ST6GALNAC5: variants seen among roughly 807,000 people sequenced by gnomAD.
ST6GALNAC5 encodes the protein alpha-N-acetylgalactosaminide alpha-2,6-sialyltransferase 5.
In ST6GALNAC5, 27 loss-of-function variants were observed where a neutral mutation model predicts 33.6. That is an observed-to-expected ratio of 0.80 (90% CI 0.59 to 1.11). The LOEUF (loss-of-function observed/expected upper bound fraction) is 1.11, where lower values mean the gene tolerates loss of function less well. Among genes scored for constraint, ST6GALNAC5 ranks in the 50% least tolerant of loss-of-function variants. The probability of loss-of-function intolerance (pLI) is 0.00; values close to 1 mark genes in which losing one functional copy is unlikely to be tolerated. For missense variants in ST6GALNAC5, 428 were observed against 454.0 expected (o/e 0.94, Z 0.52); for synonymous variants, 194 against 171.2 (o/e 1.13, Z -1.04).
chr1:77,011,512 T>C (rs1275423297), intron 2 of ST6GALNAC5, among the ~76,000 whole-genome samples: 1 of 152,226 alleles, frequency 6.6e-6, no homozygotes, highest in Non-Finnish European at 1.5e-5. Context: ...GGTTTGGGAA[T>C]TACAGTCCTT....
chr1:76,928,760 G>A (rs2100306458), intron 2 of ST6GALNAC5, among the ~76,000 whole-genome samples: 1 of 151,944 alleles, frequency 6.6e-6, no homozygotes, highest in East Asian at 1.9e-4. Context: ...CCACCCCTCT[G>A]CCTGAAGCTG....
chr1:77,008,435 C>T (rs1030207336), intron 2 of ST6GALNAC5, among the ~76,000 whole-genome samples: 1 of 152,182 alleles, frequency 6.6e-6, no homozygotes, highest in African/African-American at 2.4e-5. Flanking sequence ...CACTATCTGC[C>T]CCATAAAACT....
intron 2 of ST6GALNAC5, among the ~76,000 whole-genome samples, chr1:76,904,301 G>A (rs1235999424): frequency 6.6e-6 from 1 of 151,970 alleles, no homozygotes; most frequent in East Asian, 1.9e-4. Context: ...AAGAGAAAGG[G>A]AAAGGGACTC....
At chr1:77,009,476 G>A (rs1474204989) in intron 2 of ST6GALNAC5, among the ~76,000 whole-genome samples, 1 of 152,054 alleles carries the variant, frequency 6.6e-6, no homozygotes, top group African/African-American at 2.4e-5. Flanking sequence ...CTTTGGTGTT[G>A]GGGAGAGCAC....
chr1:77,020,732 TA>T lies in ST6GALNAC5; in HGVS notation c.262-23470del, dbSNP rs578129858. Among the ~76,000 whole-genome samples the T allele has an allele frequency of 6.6e-5, 10 of 152,306 alleles. No homozygotes were observed. The South Asian group carries it at 2.1e-3, about 32-fold the overall frequency. On this transcript the variant is annotated intron_variant, in intron 2 of 4. Coordinates refer to ENST00000477717, the MANE Select transcript of ST6GALNAC5 (RefSeq NM_030965.3). ...CATGCCTCTTACTGAATGCACCTAG[TA>T]ACAAACTACCCCACACTTGGTAATT...
chr1:77,011,455 A>G (rs977207890), intron 2 of ST6GALNAC5, among the ~76,000 whole-genome samples: 5 of 152,120 alleles, frequency 3.3e-5, no homozygotes, highest in African/African-American at 1.2e-4. Context: ...TAGCCCAGTT[A>G]TTTTTGTTTT....
chr1:76,979,790 G>A (rs1649175154), intron 2 of ST6GALNAC5, among the ~76,000 whole-genome samples: 1 of 152,158 alleles, frequency 6.6e-6, no homozygotes, highest in Admixed American at 6.5e-5. Context: ...ATCTGGGTGT[G>A]GTGGCAGGTG....
intron 4 of ST6GALNAC5, among the ~76,000 whole-genome samples, chr1:77,056,614 A>G (rs555956608): frequency 3.9e-5 from 6 of 152,334 alleles, no homozygotes; most frequent in African/African-American, 1.4e-4. Context: ...CTAACAGGGA[A>G]AGTTCTTACT....
chr1:76,982,603 A>G (rs1649302233), intron 2 of ST6GALNAC5, among the ~76,000 whole-genome samples: 2 of 152,360 alleles, frequency 1.3e-5, no homozygotes, highest in East Asian at 1.9e-4. Flanking sequence ...GATATTATCC[A>G]GGAGAACTTC....
chr1:76,982,400 A>G (rs1231415750), intron 2 of ST6GALNAC5, among the ~76,000 whole-genome samples: 1 of 152,234 alleles, frequency 6.6e-6, no homozygotes, highest in Non-Finnish European at 1.5e-5. Flanking sequence ...AATCAAGTGG[A>G]AGAAAGGGTA....
Position 76,897,436 on chromosome 1 carries a change from T to C in ST6GALNAC5, c.261+28694T>C, listed in dbSNP as rs983922667. On this transcript the variant is annotated intron_variant, in intron 2 of 4. Transcript: ENST00000477717. Reference sequence around the variant, plus strand: ...ATGGGGGAATTGTAAGGAGAGTTTATAGGCTTTAAAAGGCCATGCTGTAGC... The same window carrying C: ...ATGGGGGAATTGTAAGGAGAGTTTACAGGCTTTAAAAGGCCATGCTGTAGC... Among the ~76,000 whole-genome samples, 7 of 152,312 alleles carry C rather than the reference T, an allele frequency of 4.6e-5. No individual in the cohort carries two copies. In the South Asian group the frequency reaches 6.2e-4, roughly 14 times the overall value.
At chr1:76,985,248 T>C (rs1032293134) in intron 2 of ST6GALNAC5, among the ~76,000 whole-genome samples, 1 of 152,216 alleles carries the variant, frequency 6.6e-6, no homozygotes, top group Non-Finnish European at 1.5e-5. Flanking sequence ...GATGACATGA[T>C]TGTATATTTA....
chr1:76,936,955 T>G (rs1698828), intron 2 of ST6GALNAC5, among the ~76,000 whole-genome samples: 6 of 27,590 alleles, frequency 2.2e-4, no homozygotes, highest in East Asian at 8.6e-4. Flanking sequence ...AGAAGCAGGG[T>G]GTGTGTGTGT....
In ST6GALNAC5 at chr1:77,063,890, A is replaced by G. The variant is rs1490989062; in HGVS notation, c.*684A>G. 1.3e-5 allele frequency: 2 copies of G among 152,606 alleles called. No individual in the cohort carries two copies. The highest frequency in any genetic ancestry group is 4.8e-5 in the African/African-American group (2 of 41,438). 9.5% of individuals were successfully genotyped at this position (152,606 alleles called of 1,614,324 possible). ...TGCTCATTGTTAGCATGCAATTGGT[A>G]TTTGACTTGGAAGTGTTGTGTTGTA... is the stretch of plus-strand genomic sequence containing the variant. On this transcript the variant is annotated 3_prime_UTR_variant, in exon 5 of 5. Coordinates refer to ENST00000477717, the MANE Select transcript of ST6GALNAC5 (RefSeq NM_030965.3).
Position 76,991,565 on chromosome 1 carries a change from G to C in ST6GALNAC5, c.262-52639G>C, listed in dbSNP as rs147703076. Among the ~76,000 whole-genome samples the C allele has an allele frequency of 1.1e-4, 16 of 152,112 alleles. 1 individual carries two copies. In the East Asian group the frequency reaches 2.9e-3, roughly 28 times the overall value. On this transcript the variant is annotated intron_variant, in intron 2 of 4. Coordinates refer to ENST00000477717, the MANE Select transcript of ST6GALNAC5 (RefSeq NM_030965.3). ...TCTTTCCACCCTTATTTTAATCCTGGAGTTTCCTAACTCAGCCTTCTCCTC... is the reference window on the plus strand; with the variant it reads ...TCTTTCCACCCTTATTTTAATCCTGCAGTTTCCTAACTCAGCCTTCTCCTC...
Position 77,044,677 on chromosome 1 carries a change from C to T in ST6GALNAC5, c.671+64C>T, listed in dbSNP as rs1651950885. ...GGATAAGTCATCACTGGCTGACTCA[C>T]CCAAAGCAAAGCTTTTGCTACAGGC... On this transcript the variant is annotated intron_variant, in intron 3 of 4. Coordinates refer to ENST00000477717, the MANE Select transcript of ST6GALNAC5 (RefSeq NM_030965.3). The T allele has an allele frequency of 4.0e-5, 60 of 1,500,634 alleles. 2 individuals carry two copies. In the South Asian group the frequency reaches 8.2e-4, roughly 20 times the overall value. 93.0% of individuals were successfully genotyped at this position (1,500,634 alleles called of 1,614,324 possible). A position where few individuals can be genotyped will look rare whatever the true frequency, so the allele number is the denominator to read the frequency against.
At chr1:76,965,604 T>G (rs1648437236) in intron 2 of ST6GALNAC5, among the ~76,000 whole-genome samples, 2 of 152,230 alleles carry the variant, frequency 1.3e-5, no homozygotes, top group Admixed American at 6.5e-5. Flanking sequence ...AGAAGCTCTT[T>G]AGTTTAATTA....
chr1:76,989,558 T>C (rs1461788452), intron 2 of ST6GALNAC5, among the ~76,000 whole-genome samples: 1 of 152,134 alleles, frequency 6.6e-6, no homozygotes, highest in Non-Finnish European at 1.5e-5. Flanking sequence ...GGAGTATAGA[T>C]ATAATTTTTA....
chr1:76,967,566 T>C (rs1648550171), intron 2 of ST6GALNAC5, among the ~76,000 whole-genome samples: 1 of 152,234 alleles, frequency 6.6e-6, no homozygotes, highest in Non-Finnish European at 1.5e-5. Context: ...TGAAGGGTTT[T>C]TTGTGTCTCT....
Sources: gnomAD v4.1 joint callset for allele counts (sites outside exome capture counted in the v4.1 genomes callset) on GRCh38, gnomAD v4.1.1 for gene constraint, MANE v1.5 for transcripts, NCBI Gene and HGNC (gene_info 2026-07-23, HGNC 2026-07-21) for gene names.